NFASC: variants seen among roughly 807,000 people sequenced by gnomAD.
The protein encoded by NFASC is neurofascin.
Under a neutral mutation model 147.5 loss-of-function variants are expected in NFASC, and 43 were observed. The observed-to-expected ratio is 0.29, with a 90% confidence interval of 0.23 to 0.38. NFASC has a LOEUF of 0.38. Ranked by LOEUF, NFASC falls within the 10% of genes least tolerant of loss-of-function variation. NFASC has a pLI of 1.00. For synonymous variants in NFASC, 622 were observed against 665.5 expected (o/e 0.93, Z 1.01); for missense variants, 1,320 against 1,689.0 (o/e 0.78, Z 3.83).
chr1:205,013,188 C>G (rs1284951292), intron 29 of NFASC, among the ~76,000 whole-genome samples: 1 of 152,214 alleles, frequency 6.6e-6, no homozygotes, highest in African/African-American at 2.4e-5. Context: ...CTATGTATGT[C>G]TTTCCACCTT....
intron 8 of NFASC, among the ~76,000 whole-genome samples, chr1:204,960,536 G>A (rs1207005760): frequency 1.3e-5 from 2 of 152,316 alleles, no homozygotes; most frequent in South Asian, 2.1e-4. Context: ...AGAAGTTTCC[G>A]TGAATTTCTC....
At chr1:204,840,017 C>T (rs1034694156) in intron 1 of NFASC, among the ~76,000 whole-genome samples, 1 of 152,158 alleles carries the variant, frequency 6.6e-6, no homozygotes, top group Non-Finnish European at 1.5e-5. Flanking sequence ...AAGAACTTTT[C>T]TGGCTGCCTT....
chr1:204,958,907 G>C (rs1165772553), intron 8 of NFASC, among the ~76,000 whole-genome samples: 3 of 152,150 alleles, frequency 2.0e-5, no homozygotes, highest in African/African-American at 7.2e-5. Flanking sequence ...CAGGTAGGGG[G>C]TGTGACCATT....
chr1:204,985,973 G>A (rs763254562), intron 21 of NFASC: 4 of 1,614,038 alleles, frequency 2.5e-6, no homozygotes, highest in South Asian at 1.1e-5. Context: ...GAGACAGCAA[G>A]CCAGCTTCCC....
chr1:204,861,755 C>G (rs2076696682), intron 1 of NFASC, among the ~76,000 whole-genome samples: 1 of 152,226 alleles, frequency 6.6e-6, no homozygotes, highest in South Asian at 2.1e-4. Context: ...TCCCAAAGTG[C>G]TGGGATTACA....
At chr1:204,993,884 G>T in intron 24 of NFASC, 2 of 451,372 alleles carry the variant, frequency 4.4e-6, no homozygotes, top group South Asian at 1.6e-5. Context: ...AATCTCCTTA[G>T]ACCTGAGCAG....
chr1:204,999,099 A>G (rs1574342398), intron 25 of NFASC: 1 of 152,006 alleles, frequency 6.6e-6, no homozygotes, highest in South Asian at 2.1e-4. Context: ...AGGCCTTTTT[A>G]TTTGTCCTTC....
chr1:204,972,640 G>A (rs866295366), intron 11 of NFASC, among the ~76,000 whole-genome samples: 53 of 152,108 alleles, frequency 3.5e-4, no homozygotes, highest in African/African-American at 1.2e-3. Flanking sequence ...CAAATAAAAT[G>A]ACTCATTCCA....
rs750856686 is a variant in NFASC at position 204,974,201 on chromosome 1, G to T, written c.1302G>T (p.Ser434=). Reference sequence around the variant, plus strand: ...CAGATGTGCCGCCTCGGATGCTGTCGCCCCGGAACCAGCTCATTCGAGTGA... The same window carrying T: ...CAGATGTGCCGCCTCGGATGCTGTCTCCCCGGAACCAGCTCATTCGAGTGA... The part of the protein sequence containing the change: ...SVLDVPPRML[S]PRNQLIRVIL... The change falls in exon 13 of 30, where the codon TCG becomes TCT. Residue 434 remains serine, a synonymous_variant. Transcript: ENST00000339876. 1 of 1,613,794 alleles carries T rather than the reference G, an allele frequency of 6.2e-7. No individual in the cohort carries two copies. Among genetic ancestry groups the T allele is most frequent in the Non-Finnish European group, 8.5e-7 (1 of 1,179,938 alleles).
At chr1:205,009,789 G>A (rs2096216108) in intron 28 of NFASC, 101 bp downstream of exon 28, 1 of 1,276,094 alleles carries the variant, frequency 7.8e-7, no homozygotes, top group African/African-American at 1.5e-5. Context: ...TTCTCTCAGT[G>A]AAGCCAGCCC....
intron 29 of NFASC, among the ~76,000 whole-genome samples, chr1:205,013,341 G>A (rs2096286293): frequency 1.3e-5 from 2 of 152,276 alleles, no homozygotes; most frequent in Admixed American, 6.5e-5. Context: ...AAGGAATGAA[G>A]GTGGGGTGAT....
intron 17 of NFASC, 37 bp from the exon 18 acceptor site, chr1:204,978,931 T>A: frequency 6.7e-7 from 1 of 1,495,752 alleles, no homozygotes; most frequent in South Asian, 1.2e-5. Context: ...GGACCTGCTC[T>A]AACTCAGGAG....
At chr1:204,995,315 A>AGTGTGTGTGTGTGTGTGT (rs60921990) in intron 24 of NFASC, among the ~76,000 whole-genome samples, 4 of 140,786 alleles carry the variant, frequency 2.8e-5, no homozygotes, top group African/African-American at 8.0e-5. Flanking sequence ...ATGTGTGCAC[A>AGTGTGTGTGTGTGTGTGT]GTGTGTGTGT....
chr1:204,969,082 G>A (rs1362694171), intron 10 of NFASC, 100 bp downstream of exon 10: 1 of 1,077,416 alleles, frequency 9.3e-7, no homozygotes, highest in Non-Finnish European at 1.3e-6. Context: ...GAGTCGGAGA[G>A]ACTTCCAGCC....
intron 10 of NFASC, among the ~76,000 whole-genome samples, chr1:204,969,544 G>A (rs1372118753): frequency 6.6e-6 from 1 of 152,180 alleles, no homozygotes; most frequent in African/African-American, 2.4e-5. Flanking sequence ...GGGGCTGTAT[G>A]GATGGTTGAG....
At chr1:204,952,759 C>A (rs1418257264) in intron 5 of NFASC, among the ~76,000 whole-genome samples, 2 of 152,222 alleles carry the variant, frequency 1.3e-5, no homozygotes, top group African/African-American at 4.8e-5. Flanking sequence ...TATCTGCCCC[C>A]ATCCCCATCC....
Position 204,911,527 on chromosome 1 carries a change from T to A in NFASC, c.-199-9105T>A, listed in dbSNP as rs545322222. ...ACCACCTCACCTGGTCTGTTAAGGA[T>A]TTTTGTGTCTATATCTGTGAGAGAT... is the stretch of plus-strand genomic sequence containing the variant. On this transcript the variant is annotated intron_variant, in intron 1 of 29. Coordinates refer to ENST00000339876, the MANE Select transcript of NFASC (RefSeq NM_001005388.3). Among the ~76,000 whole-genome samples, 6 of 151,552 alleles carry A rather than the reference T, an allele frequency of 4.0e-5. No individual in the cohort carries two copies. The South Asian group carries it at 8.3e-4, about 21-fold the overall frequency.
At chr1:204,914,934 G>A (rs1347161241) in intron 1 of NFASC, among the ~76,000 whole-genome samples, 1 of 152,200 alleles carries the variant, frequency 6.6e-6, no homozygotes, top group Non-Finnish European at 1.5e-5. Flanking sequence ...AGAGGATTAA[G>A]TAAATAAATT....
At chr1:204,903,328 G>A (rs2149222986) in intron 1 of NFASC, among the ~76,000 whole-genome samples, 1 of 152,236 alleles carries the variant, frequency 6.6e-6, no homozygotes, top group African/African-American at 2.4e-5. Flanking sequence ...TTTGTGGCTG[G>A]GCCAGGAGTG....
Sources: allele counts gnomAD v4.1 joint callset (sites outside exome capture counted in the v4.1 genomes callset), GRCh38; gene constraint gnomAD v4.1.1; transcripts MANE v1.5; gene names NCBI Gene and HGNC (gene_info 2026-07-23, HGNC 2026-07-21).